PAK2: variants seen among roughly 807,000 people sequenced by gnomAD.
PAK2 encodes the protein p21 (RAC1) activated kinase 2.
In PAK2, 21 loss-of-function variants were observed where a neutral mutation model predicts 65.9. The ratio of observed to expected loss-of-function variants is 0.32; its 90% confidence interval spans 0.23 to 0.46. The LOEUF (loss-of-function observed/expected upper bound fraction) is 0.46. Among genes scored for constraint, PAK2 ranks in the 20% least tolerant of loss-of-function variants. The pLI, the probability that PAK2 is intolerant of heterozygous loss-of-function variation, is 1.00. For missense variants in PAK2, 324 were observed against 642.6 expected (o/e 0.50, Z 5.36); for synonymous variants, 204 against 219.7 (o/e 0.93, Z 0.63).
intron 8 of PAK2, among the ~76,000 whole-genome samples, chr3:196,811,606 A>C (rs1038592141): frequency 6.6e-6 from 1 of 151,638 alleles, no homozygotes; most frequent in Non-Finnish European, 1.5e-5. Context: ...AGAGAATTGA[A>C]GATTATCTTA....
At chr3:196,810,940 A>G (rs1715762876) in intron 8 of PAK2, among the ~76,000 whole-genome samples, 2 of 152,082 alleles carry the variant, frequency 1.3e-5, no homozygotes. Context: ...AAAAGACAAT[A>G]AGAATATTTA....
intron 1 of PAK2, among the ~76,000 whole-genome samples, chr3:196,759,489 G>GTTTTTTTTGTTT (rs1713877786): frequency 1.0e-5 from 1 of 98,854 alleles, no homozygotes; most frequent in Non-Finnish European, 1.9e-5. Flanking sequence ...CAGTTAAGTG[G>GTTTTTTTTGTTT]TTTTTTTTGT....
At chr3:196,787,653 T>C (rs1416985114) in intron 2 of PAK2, among the ~76,000 whole-genome samples, 5 of 151,976 alleles carry the variant, frequency 3.3e-5, no homozygotes, top group African/African-American at 1.2e-4. Flanking sequence ...CCTTTGTAGC[T>C]GAGGGTGGGG....
rs143873586 is a variant in PAK2 at position 196,741,296 on chromosome 3, A to G, written c.-22+1139A>G. ...GATTTTGTTTTTGTAGGGTTGTCCA[A>G]TAGAATAACACTCAGTAAAGTTACA... On this transcript the variant is annotated intron_variant, in intron 1 of 14. Transcript: ENST00000327134. Among the ~76,000 whole-genome samples, 26 of 152,310 alleles carry G rather than the reference A, an allele frequency of 1.7e-4. 2 individuals are homozygous for G. In the Middle Eastern group the frequency reaches 0.017, roughly 100 times the overall value.
chr3:196,765,113 G>A (rs1477263631), intron 1 of PAK2, among the ~76,000 whole-genome samples: 4 of 149,002 alleles, frequency 2.7e-5, no homozygotes, highest in Non-Finnish European at 4.4e-5. Flanking sequence ...CAAAGTGCTG[G>A]GATTACAGGC....
At chr3:196,811,191 ATTCCTTCC>A (rs1315334855) in intron 8 of PAK2, among the ~76,000 whole-genome samples, 1 of 80,066 alleles carries the variant, frequency 1.2e-5, no homozygotes, top group Non-Finnish European at 2.7e-5. Flanking sequence ...TTCCATATGA[ATTCCTTCC>A]TCCCTTCCTT....
chr3:196,801,065 C>T (rs1715410169), intron 2 of PAK2, among the ~76,000 whole-genome samples: 1 of 151,954 alleles, frequency 6.6e-6, no homozygotes, highest in African/African-American at 2.4e-5. Context: ...TACAATCGGA[C>T]CATAGAAAAA....
chr3:196,819,897 G>A (rs908126580), intron 12 of PAK2, among the ~76,000 whole-genome samples: 1 of 152,086 alleles, frequency 6.6e-6, no homozygotes, highest in Non-Finnish European at 1.5e-5. Flanking sequence ...CAACACTTTG[G>A]GAGGCCAAGG....
At chr3:196,766,757 G>A (rs1016052778) in intron 1 of PAK2, among the ~76,000 whole-genome samples, 12 of 134,656 alleles carry the variant, frequency 8.9e-5, no homozygotes, top group African/African-American at 2.6e-4. Context: ...CGACCCATGC[G>A]GTAACTATGG....
chr3:196,768,399 T>C (rs1714250436), intron 1 of PAK2, among the ~76,000 whole-genome samples: 1 of 152,102 alleles, frequency 6.6e-6, no homozygotes, highest in Non-Finnish European at 1.5e-5. Context: ...ATTATTTCCT[T>C]CCTACATTCT....
rs10433651 is a variant in PAK2 at position 196,741,299 on chromosome 3, G to A, written c.-22+1142G>A. On this transcript the variant is annotated intron_variant, in intron 1 of 14. Transcript: ENST00000327134. ...TTTGTTTTTGTAGGGTTGTCCAATA[G>A]AATAACACTCAGTAAAGTTACATTG... is the stretch of plus-strand genomic sequence containing the variant. 5.3e-5 allele frequency among the ~76,000 whole-genome samples: 8 copies of A among 152,242 alleles called. No individual in the cohort carries two copies. The East Asian group carries it at 1.5e-3, about 29-fold the overall frequency.
At chr3:196,804,845 A>ATATAT (rs1415859771) in intron 4 of PAK2, among the ~76,000 whole-genome samples, 4 of 149,676 alleles carry the variant, frequency 2.7e-5, no homozygotes, top group African/African-American at 9.9e-5. Context: ...ATATATATAT[A>ATATAT]CACACACACA....
chr3:196,780,778 T>A (rs1211554305), intron 1 of PAK2, among the ~76,000 whole-genome samples: 2 of 152,170 alleles, frequency 1.3e-5, no homozygotes, highest in Non-Finnish European at 2.9e-5. Flanking sequence ...GCTTCTCAAA[T>A]TTTTTTATTT....
chr3:196,748,325 A>ATTCACACATC (rs1169481221), intron 1 of PAK2, among the ~76,000 whole-genome samples: 3 of 152,174 alleles, frequency 2.0e-5, no homozygotes, highest in African/African-American at 7.2e-5. Context: ...GTGAACCAGC[A>ATTCACACATC]TTCACACATC....
At chr3:196,741,796 GGTTGGAGTTTT>G (rs1368677510) in intron 1 of PAK2, among the ~76,000 whole-genome samples, 4 of 152,094 alleles carry the variant, frequency 2.6e-5, no homozygotes, top group Admixed American at 2.0e-4. Context: ...GGTGTAGAAA[GGTTGGAGTTTT>G]GTTGGAGTTT....
intron 1 of PAK2, among the ~76,000 whole-genome samples, chr3:196,768,186 A>C (rs768830041): frequency 1.3e-5 from 2 of 152,106 alleles, no homozygotes; most frequent in Admixed American, 6.5e-5. Context: ...GCACATTGCA[A>C]AACATCGGAT....
At chr3:196,768,180 A>G (rs1463683382) in intron 1 of PAK2, among the ~76,000 whole-genome samples, 3 of 152,084 alleles carry the variant, frequency 2.0e-5, no homozygotes, top group Non-Finnish European at 4.4e-5. Context: ...TTGTGAGCAC[A>G]TTGCAAAACA....
In PAK2 at chr3:196,791,561, C is replaced by T. The variant is rs1351863603; in HGVS notation, c.187+8728C>T. Among the ~76,000 whole-genome samples, 3 of 152,130 alleles carry T rather than the reference C, an allele frequency of 2.0e-5. No homozygotes were observed. The highest frequency in any genetic ancestry group is 4.4e-5 in the Non-Finnish European group (3 of 68,036). The stretch of plus-strand genomic sequence containing the variant: ...TCTTGCTAGATATGTTATCTCTCAC[C>T]CTTCTTTTTATATTTTTTTCTTATT... On this transcript the variant is annotated intron_variant, in intron 2 of 14. Coordinates refer to ENST00000327134, the MANE Select transcript of PAK2 (RefSeq NM_002577.4). This position sits in a 1 kb window ranked among gnomAD's most constrained non-coding sequence, Gnocchi z 4.0.
intron 1 of PAK2, among the ~76,000 whole-genome samples, chr3:196,745,673 G>A (rs1713351303): frequency 1.3e-5 from 2 of 152,026 alleles, no homozygotes; most frequent in Admixed American, 1.3e-4. Context: ...AATTAGCTGG[G>A]TGTGGTGGTG....
Sources: gnomAD v4.1 joint callset for allele counts (sites outside exome capture counted in the v4.1 genomes callset) on GRCh38, gnomAD v4.1.1 for gene constraint, Gnocchi (gnomAD v3.1) non-coding constraint, MANE v1.5 for transcripts, NCBI Gene and HGNC (gene_info 2026-07-23, HGNC 2026-07-21) for gene names.